TRAM1: variants seen among roughly 807,000 people sequenced by gnomAD.
TRAM1 encodes translocation associated membrane protein 1.
In TRAM1, 17 loss-of-function variants were observed where a neutral mutation model predicts 48.7. That is an observed-to-expected ratio of 0.35 (90% confidence interval 0.24 to 0.52). The LOEUF is 0.52. Among genes scored for constraint, TRAM1 ranks in the 20% least tolerant of loss-of-function variants. TRAM1 has a pLI of 0.94. For missense variants in TRAM1, 351 were observed against 441.5 expected, an observed-to-expected ratio of 0.79 and a Z score of 1.84; for synonymous variants, 182 against 154.0, an observed-to-expected ratio of 1.18 and a Z score of -1.34.
At chr8:70,604,578 ATGTGAGATG>A (rs1218795291) in intron 1 of TRAM1, among the ~76,000 whole-genome samples, 10 of 152,084 alleles carry the variant, frequency 6.6e-5, no homozygotes, top group Admixed American at 2.0e-4. Context: ...TCACGCTTAT[ATGTGAGATG>A]TGTCTCTCCC....
chr8:70,604,732 T>C (rs1039372264), intron 1 of TRAM1, among the ~76,000 whole-genome samples: 2 of 152,222 alleles, frequency 1.3e-5, no homozygotes, highest in African/African-American at 4.8e-5. Flanking sequence ...CTGTATGGCA[T>C]AAAGAACTTG....
intron 10 of TRAM1, among the ~76,000 whole-genome samples, chr8:70,582,126 T>C (rs1817088576): frequency 6.6e-6 from 1 of 152,168 alleles, no homozygotes; most frequent in Admixed American, 6.5e-5. Context: ...ATTAAAGCTA[T>C]TAAAAATATT....
intron 1 of TRAM1, among the ~76,000 whole-genome samples, chr8:70,602,967 C>A (rs776119520): frequency 4.6e-5 from 7 of 152,092 alleles, no homozygotes; most frequent in Non-Finnish European, 8.8e-5. Flanking sequence ...ACTCTGTTAT[C>A]CTAGAATTCA....
At chr8:70,601,410 T>C (rs1046076032) in intron 1 of TRAM1, among the ~76,000 whole-genome samples, 3 of 152,252 alleles carry the variant, frequency 2.0e-5, no homozygotes, top group Admixed American at 2.0e-4. Flanking sequence ...CCTGTCTTCC[T>C]AGAGTAGGTC....
intron 1 of TRAM1, among the ~76,000 whole-genome samples, chr8:70,603,567 A>G (rs1817655872): frequency 6.6e-6 from 1 of 152,118 alleles, no homozygotes; most frequent in Non-Finnish European, 1.5e-5. Context: ...AAATACAAAA[A>G]TTAGCTGGGC....
chr8:70,594,066 A>C (rs183885904), intron 6 of TRAM1, among the ~76,000 whole-genome samples: 2 of 152,284 alleles, frequency 1.3e-5, no homozygotes, highest in Admixed American at 1.3e-4. Context: ...AATATATTTT[A>C]CTTTTTTTTC....
intron 1 of TRAM1, among the ~76,000 whole-genome samples, chr8:70,603,588 G>A (rs752110798): frequency 3.3e-5 from 5 of 152,094 alleles, no homozygotes; most frequent in Admixed American, 1.3e-4. Context: ...ATCGTGGCGG[G>A]AGCCTGTAAT....
At chr8:70,599,673 C>A (rs996616656) in intron 2 of TRAM1, among the ~76,000 whole-genome samples, 1 of 152,098 alleles carries the variant, frequency 6.6e-6, no homozygotes, top group African/African-American at 2.4e-5. Flanking sequence ...TGCCATTGTG[C>A]TTTTAGAAGT....
At chr8:70,590,141 TAAAAA>T (rs34326193) in intron 6 of TRAM1, among the ~76,000 whole-genome samples, 4 of 139,878 alleles carry the variant, frequency 2.9e-5, no homozygotes, top group Non-Finnish European at 4.6e-5. Context: ...TAAGGCAATG[TAAAAA>T]AAAAAAAAAA....
intron 10 of TRAM1, among the ~76,000 whole-genome samples, chr8:70,578,254 A>G (rs1817002948): frequency 6.6e-6 from 1 of 152,176 alleles, no homozygotes; most frequent in Non-Finnish European, 1.5e-5. Flanking sequence ...GACTACAGGC[A>G]TGCACCACGA....
intron 10 of TRAM1, among the ~76,000 whole-genome samples, chr8:70,578,973 T>C (rs1036328913): frequency 6.6e-6 from 1 of 152,248 alleles, no homozygotes; most frequent in Non-Finnish European, 1.5e-5. Context: ...TACTGTATAA[T>C]ATTTTGAGAG....
At chr8:70,592,293 C>T (rs1245702587) in intron 6 of TRAM1, among the ~76,000 whole-genome samples, 1 of 152,184 alleles carries the variant, frequency 6.6e-6, no homozygotes, top group East Asian at 1.9e-4. Flanking sequence ...CTGCTACTAA[C>T]AGCGTTCCTT....
chr8:70,595,783 A>C (rs1817473655), intron 5 of TRAM1, among the ~76,000 whole-genome samples: 1 of 152,214 alleles, frequency 6.6e-6, no homozygotes, highest in African/African-American at 2.4e-5. Flanking sequence ...GGCTCGAATA[A>C]TGAATTATTC....
intron 1 of TRAM1, among the ~76,000 whole-genome samples, chr8:70,603,303 TACACACACACAC>T (rs35864770): frequency 0.32 from 48,164 of 149,934 alleles, 9,023 homozygotes; most frequent in Non-Finnish European, 0.43. Flanking sequence ...ATATGTTTTA[TACACACACACAC>T]ACACACACAC....
In TRAM1 at chr8:70,608,391, A is replaced by G; in HGVS notation, c.-192T>C. On this transcript the variant is annotated 5_prime_UTR_variant, in exon 1 of 11. Transcript: ENST00000262213. The stretch of plus-strand genomic sequence containing the variant: ...CCCGGGGGAAAAAAAAAAACACAAC[A>G]GCTAGCCCGCAGCGGGGGCGAGCAT... 2.4e-6 allele frequency: 1 copy of G among 424,876 alleles called. No homozygotes were observed. Among genetic ancestry groups the G allele is most frequent in the Non-Finnish European group, 3.8e-6 (1 of 261,132 alleles). 26.3% of individuals were successfully genotyped at this position (424,876 alleles called of 1,614,324 possible).
intron 1 of TRAM1, among the ~76,000 whole-genome samples, chr8:70,601,490 TTAA>T (rs1817606333): frequency 6.6e-6 from 1 of 152,216 alleles, no homozygotes; most frequent in Non-Finnish European, 1.5e-5. Context: ...GTTGATTATA[TTAA>T]TAATTTCTGT....
chr8:70,590,933 C>T (rs868128356), intron 6 of TRAM1, among the ~76,000 whole-genome samples: 2 of 151,892 alleles, frequency 1.3e-5, no homozygotes, highest in Middle Eastern at 3.4e-3. Context: ...ATACTTGTGT[C>T]ACTTACTAGC....
In TRAM1 at chr8:70,608,323, G is replaced by C. The variant is rs1205998422; in HGVS notation, c.-124C>G. 2 of 1,319,578 alleles carry C rather than the reference G, an allele frequency of 1.5e-6. No homozygotes were observed. The highest frequency in any genetic ancestry group is 3.1e-5 in the African/African-American group (2 of 64,774). 81.7% of individuals were successfully genotyped at this position (1,319,578 alleles called of 1,614,324 possible). Reference sequence around the variant, plus strand: ...GGCCCCGCTGCAGCCGCTCGCTGGGGCTTCACTTCCCATCCCACAGCCAGT... The same window carrying C: ...GGCCCCGCTGCAGCCGCTCGCTGGGCCTTCACTTCCCATCCCACAGCCAGT... On this transcript the variant is annotated 5_prime_UTR_variant, in exon 1 of 11. Transcript: ENST00000262213.
At chr8:70,597,797 G>A in intron 4 of TRAM1, 98 bp downstream of exon 4, 1 of 864,168 alleles carries the variant, frequency 1.2e-6, no homozygotes, top group Admixed American at 2.9e-5. Context: ...ACCTAAAACA[G>A]ATTTATCACT....
Sources: gnomAD v4.1 joint callset for allele counts (sites outside exome capture counted in the v4.1 genomes callset) on GRCh38, gnomAD v4.1.1 for gene constraint, MANE v1.5 for transcripts, NCBI Gene and HGNC (gene_info 2026-07-23, HGNC 2026-07-21) for gene names.